The following ZNF563 variants were observed in gnomAD, a reference collection of about 807,000 sequenced individuals.
ZNF563 encodes zinc finger protein 563.
ZNF563 carries 39 observed loss-of-function variants against 48.5 expected under a neutral mutation model. The observed-to-expected ratio is 0.80, with a 90% CI of 0.62 to 1.05. The LOEUF (loss-of-function observed/expected upper bound fraction) is 1.05. ZNF563 is among the 50% of genes least tolerant of loss of function. The probability of loss-of-function intolerance (pLI) is 0.00; values close to 1 mark genes in which losing one functional copy is unlikely to be tolerated. For missense variants in ZNF563, 538 were observed against 597.0 expected (o/e 0.90, Z 1.03); for synonymous variants, 168 against 187.9 (o/e 0.89, Z 0.87).
At chr19:12,334,424 C>A (rs1295127196), upstream of ZNF563, among the ~76,000 whole-genome samples, 1 of 152,046 alleles carries the variant, frequency 6.6e-6, no homozygotes, top group African/African-American at 2.4e-5. Flanking sequence ...TGAAATGGAA[C>A]CCCAGAGTGA....
intron 1 of ZNF563, among the ~76,000 whole-genome samples, chr19:12,328,306 C>CT (rs797006208): frequency 2.2e-4 from 34 of 152,200 alleles, no homozygotes; most frequent in African/African-American, 6.5e-4. Context: ...GACCTTGTCT[C>CT]TATAAAAGTA....
Position 12,319,104 on chromosome 19 carries a change from T to C in ZNF563, c.921A>G (p.Lys307=). The C allele has an allele frequency of 6.2e-7, 1 of 1,614,170 alleles. No individual in the cohort carries two copies. The highest frequency in any genetic ancestry group is 8.5e-7 in the Non-Finnish European group (1 of 1,180,032). ...RRHETTHSAE[K]PYECKQCGKT... ...TCCCGCATTGCTTACACTCATAGGG[T>C]TTCTCTGCACTGTGAGTGGTTTCAT... The change falls in exon 4 of 4, where the codon AAA becomes AAG. Residue 307 remains lysine, a synonymous_variant. Transcript: ENST00000293725.
At chr19:12,320,607 C>T (rs1020426330) in intron 3 of ZNF563, among the ~76,000 whole-genome samples, 18 of 152,064 alleles carry the variant, frequency 1.2e-4, no homozygotes, top group African/African-American at 3.9e-4. Flanking sequence ...TCATGCAATT[C>T]TCCTGCCTTG....
intron 1 of ZNF563, among the ~76,000 whole-genome samples, chr19:12,324,578 G>A (rs541675814): frequency 1.1e-4 from 16 of 152,104 alleles, no homozygotes; most frequent in South Asian, 2.1e-4. Flanking sequence ...TTAGCCAGGC[G>A]TGATGGCGCA....
upstream of ZNF563, among the ~76,000 whole-genome samples, chr19:12,335,792 C>A (rs534610648): frequency 2.6e-5 from 4 of 152,222 alleles, no homozygotes; most frequent in Non-Finnish European, 4.4e-5. Context: ...CATACTCTTT[C>A]AATCTAATCA....
In ZNF563 at chr19:12,329,806, G is replaced by A. The variant is rs560268031; in HGVS notation, c.3+3674C>T. Among the ~76,000 whole-genome samples, 14 of 152,234 alleles carry A rather than the reference G, an allele frequency of 9.2e-5. No homozygotes were observed. The South Asian group carries it at 2.9e-3, about 32-fold the overall frequency. On this transcript the variant is annotated intron_variant, in intron 1 of 3. Coordinates refer to ENST00000293725, the MANE Select transcript of ZNF563 (RefSeq NM_145276.3). ...TATCCCAAGAAAAAGGAACAGACCA[G>A]GATGATTTCACTGGTGATTTATGGC...
chr19:12,328,466 C>T lies in ZNF563; in HGVS notation c.3+5014G>A, dbSNP rs551522134. 7.2e-5 allele frequency among the ~76,000 whole-genome samples: 11 copies of T among 152,318 alleles called. 1 individual carries two copies. The South Asian group carries it at 2.3e-3, about 32-fold the overall frequency. ...TACCAGCCTGTGTGACAGACCACCA[C>T]CCTGTCTCTTAAAAAAGAGAAAAGA... On this transcript the variant is annotated intron_variant, in intron 1 of 3. Coordinates refer to ENST00000293725, the MANE Select transcript of ZNF563 (RefSeq NM_145276.3).
Position 12,333,233 on chromosome 19 carries a change from C to T in ZNF563, c.3+247G>A, listed in dbSNP as rs541729872. Among the ~76,000 whole-genome samples the T allele has an allele frequency of 3.9e-5, 6 of 152,318 alleles. No homozygotes were observed. In the South Asian group the frequency reaches 8.3e-4, roughly 21 times the overall value. On this transcript the variant is annotated intron_variant, in intron 1 of 3. Coordinates refer to ENST00000293725, the MANE Select transcript of ZNF563 (RefSeq NM_145276.3). ...ATGGGGGGCTGCGGGCGAGGAGCTG[C>T]CCAGACAGGGCTCCGAGGCCGGGAC... is the stretch of plus-strand genomic sequence containing the variant.
chr19:12,345,285 T>C, the ZNF563 span, among the ~76,000 whole-genome samples: 1 of 152,168 alleles, frequency 6.6e-6, no homozygotes. Flanking sequence ...AAAACAATCT[T>C]GAAAAAGAAC....
upstream of ZNF563, among the ~76,000 whole-genome samples, chr19:12,337,351 TCC>T (rs1282638666): frequency 6.6e-6 from 1 of 151,874 alleles, no homozygotes; most frequent in Non-Finnish European, 1.5e-5. Context: ...TGCAGGCATG[TCC>T]CACCATGCCT....
At chr19:12,340,783 A>C in the ZNF563 span, among the ~76,000 whole-genome samples, 1 of 152,302 alleles carries the variant, frequency 6.6e-6, no homozygotes, top group East Asian at 1.9e-4. Context: ...TCTCCAAAAA[A>C]AAAAAGTCAA....
At chr19:12,328,388 C>T (rs1425544883) in intron 1 of ZNF563, among the ~76,000 whole-genome samples, 2 of 152,200 alleles carry the variant, frequency 1.3e-5, no homozygotes, top group Non-Finnish European at 2.9e-5. Flanking sequence ...AAGAAGATTG[C>T]TTGAGCCTAG....
At chr19:12,331,878 C>G (rs1968926014) in intron 1 of ZNF563, among the ~76,000 whole-genome samples, 1 of 152,154 alleles carries the variant, frequency 6.6e-6, no homozygotes, top group Admixed American at 6.5e-5. Flanking sequence ...AGATAAGGTG[C>G]CTGTGCCCAG....
intron 1 of ZNF563, among the ~76,000 whole-genome samples, chr19:12,331,681 A>C (rs1266918298): frequency 6.6e-6 from 1 of 152,218 alleles, no homozygotes; most frequent in Non-Finnish European, 1.5e-5. Context: ...CCAGCCCTGC[A>C]TCTCAGGCTG....
At chr19:12,340,953 A>G in the ZNF563 span, among the ~76,000 whole-genome samples, 1 of 152,164 alleles carries the variant, frequency 6.6e-6, no homozygotes, top group Non-Finnish European at 1.5e-5. Flanking sequence ...ACACTGGGAA[A>G]AAAAAAAAGA....
At chr19:12,327,526 A>G (rs1410433453) in intron 1 of ZNF563, among the ~76,000 whole-genome samples, 1 of 151,986 alleles carries the variant, frequency 6.6e-6, no homozygotes, top group Non-Finnish European at 1.5e-5. Context: ...AAGTGCAACA[A>G]ATAGAAAACA....
At chr19:12,334,700 C>T (rs1018820193), upstream of ZNF563, among the ~76,000 whole-genome samples, 1 of 151,880 alleles carries the variant, frequency 6.6e-6, no homozygotes, top group African/African-American at 2.4e-5. Context: ...GAAACCACAT[C>T]TCTACTAAAA....
intron 1 of ZNF563, among the ~76,000 whole-genome samples, chr19:12,333,223 C>T (rs574577632): frequency 3.3e-5 from 5 of 152,322 alleles, no homozygotes; most frequent in Middle Eastern, 3.4e-3. Flanking sequence ...GGGCTGCGGG[C>T]GAGGAGCTGC....
At chr19:12,322,790 A>G (rs1348197629) in intron 1 of ZNF563, 79 bp from the exon 2 acceptor site, 4 of 1,394,238 alleles carry the variant, frequency 2.9e-6, no homozygotes, top group Non-Finnish European at 1.9e-6. Flanking sequence ...TAAACTTCAT[A>G]TGATGCTGTG....
Sources: allele counts gnomAD v4.1 joint callset (sites outside exome capture counted in the v4.1 genomes callset), GRCh38; gene constraint gnomAD v4.1.1; transcripts MANE v1.5; gene names NCBI Gene and HGNC (gene_info 2026-07-23, HGNC 2026-07-21).